PCP4: variants seen among roughly 807,000 people sequenced by gnomAD.
PCP4 encodes the protein calmodulin regulator protein PCP4.
Under a neutral mutation model 10.0 loss-of-function variants are expected in PCP4, and 8 were observed. That is an observed-to-expected ratio of 0.80 (90% CI 0.47 to 1.45). The LOEUF (loss-of-function observed/expected upper bound fraction) is 1.45, where lower values mean the gene tolerates loss of function less well. Among genes scored for constraint, PCP4 ranks in the 40% most tolerant of loss-of-function variants. The pLI is 0.00. For synonymous variants in PCP4, 21 were observed against 23.0 expected (o/e 0.91, Z 0.24); for missense variants, 54 against 74.4 (o/e 0.73, Z 1.01).
At chr21:39,871,052 C>CG (rs1568848207) in intron 1 of PCP4, among the ~76,000 whole-genome samples, 1 of 152,136 alleles carries the variant, frequency 6.6e-6, no homozygotes, top group Non-Finnish European at 1.5e-5. Flanking sequence ...TTAATGTATA[C>CG]GTTAAAACGT....
intron 1 of PCP4, among the ~76,000 whole-genome samples, chr21:39,885,247 C>T (rs990294203): frequency 2.6e-4 from 40 of 152,300 alleles, no homozygotes; most frequent in African/African-American, 9.1e-4. Context: ...ACTGAGCAAG[C>T]GCCACCTGCT....
intron 2 of PCP4, among the ~76,000 whole-genome samples, chr21:39,916,570 C>G (rs1455386207): frequency 6.6e-6 from 1 of 152,186 alleles, no homozygotes; most frequent in Admixed American, 6.5e-5. Flanking sequence ...CCTCAAAGAT[C>G]TAGAAGCAGA....
rs550495541 is a variant in PCP4, at chr21:39,906,270, A to G, written c.61+7743A>G. The stretch of plus-strand genomic sequence containing the variant: ...CCCTCTTGACCAGGGTCTTGTTTGT[A>G]AATGGGCAACTTGGATGGGCTGTGG... On this transcript the variant is annotated intron_variant, in intron 2 of 2. Coordinates refer to ENST00000328619, the MANE Select transcript of PCP4 (RefSeq NM_006198.3). This position sits in a 1 kb window ranked among gnomAD's most constrained non-coding sequence, Gnocchi z 6.3. Among the ~76,000 whole-genome samples the G allele has an allele frequency of 6.6e-6, 1 of 152,304 alleles. No individual in the cohort carries two copies. Among genetic ancestry groups the G allele is most frequent in the South Asian group, 2.1e-4 (1 of 4,832 alleles).
At chr21:39,926,936 C>A (rs2087624583) in intron 2 of PCP4, among the ~76,000 whole-genome samples, 1 of 152,204 alleles carries the variant, frequency 6.6e-6, no homozygotes, top group South Asian at 2.1e-4. Context: ...GAAGCACCCC[C>A]ATCCCCTGCC....
At chr21:39,873,328 C>T (rs752255056) in intron 1 of PCP4, among the ~76,000 whole-genome samples, 5 of 152,110 alleles carry the variant, frequency 3.3e-5, no homozygotes, top group Admixed American at 6.5e-5. Flanking sequence ...ACATCTAGCA[C>T]GCGGAAAGCA....
At chr21:39,904,915 G>C (rs2087499078) in intron 2 of PCP4, among the ~76,000 whole-genome samples, 1 of 152,154 alleles carries the variant, frequency 6.6e-6, no homozygotes, top group African/African-American at 2.4e-5. Context: ...AGACAACTTT[G>C]AGTATCCAGC....
At chr21:39,894,510 GT>G (rs1471717422) in intron 1 of PCP4, among the ~76,000 whole-genome samples, 1 of 152,176 alleles carries the variant, frequency 6.6e-6, no homozygotes, top group Non-Finnish European at 1.5e-5. Flanking sequence ...ATGCATATTT[GT>G]TTAGGGAGAA....
chr21:39,898,282 G>A, intron 1 of PCP4, 194 bp from the exon 2 acceptor site: 1 of 660,262 alleles, frequency 1.5e-6, no homozygotes, highest in East Asian at 2.7e-5. Context: ...GAGGGGGCCG[G>A]TCTGTGCAGC....
chr21:39,870,298 G>A (rs1447659780), intron 1 of PCP4, among the ~76,000 whole-genome samples: 3 of 152,250 alleles, frequency 2.0e-5, no homozygotes, highest in African/African-American at 4.8e-5. Context: ...TTAGGGTAAT[G>A]TGAGAGAGAG....
At chr21:39,912,004 T>A (rs1601185897) in intron 2 of PCP4, among the ~76,000 whole-genome samples, 1 of 152,350 alleles carries the variant, frequency 6.6e-6, no homozygotes, top group South Asian at 2.1e-4. Flanking sequence ...GACTCCCTGT[T>A]GTGTATTTCC....
chr21:39,888,632 C>T (rs373282190), intron 1 of PCP4, among the ~76,000 whole-genome samples: 13 of 152,318 alleles, frequency 8.5e-5, no homozygotes, highest in East Asian at 7.7e-4. Context: ...CCGCTGCCCC[C>T]GATGTCAATC....
At chr21:39,910,204 C>T (rs903033958) in intron 2 of PCP4, among the ~76,000 whole-genome samples, 1 of 152,080 alleles carries the variant, frequency 6.6e-6, no homozygotes, top group African/African-American at 2.4e-5. Flanking sequence ...CTTTAGTGGC[C>T]GGGCACTGAT....
chr21:39,873,146 A>G (rs1321694681), intron 1 of PCP4, among the ~76,000 whole-genome samples: 3 of 152,172 alleles, frequency 2.0e-5, no homozygotes, highest in Admixed American at 2.0e-4. Flanking sequence ...GTAGCCAGAG[A>G]GGCAGAGCCT....
At chr21:39,889,417 T>C (rs1162106942) in intron 1 of PCP4, among the ~76,000 whole-genome samples, 1 of 140,498 alleles carries the variant, frequency 7.1e-6, no homozygotes, top group Non-Finnish European at 1.5e-5. Context: ...AGTTCTTTTT[T>C]TTTTTTTTTT....
At chr21:39,873,037 G>A (rs2087328120) in intron 1 of PCP4, among the ~76,000 whole-genome samples, 1 of 152,196 alleles carries the variant, frequency 6.6e-6, no homozygotes, top group African/African-American at 2.4e-5. Context: ...TGGGAACGGA[G>A]CAAGGGACGT....
chr21:39,916,527 T>G (rs7277775), intron 2 of PCP4, among the ~76,000 whole-genome samples: 140,146 of 152,132 alleles, frequency 0.92, 64,798 homozygotes, highest in African/African-American at 0.98. Context: ...GCTCAACCAT[T>G]ATTCAACCAT....
intron 1 of PCP4, among the ~76,000 whole-genome samples, chr21:39,873,172 A>G (rs2087328786): frequency 2.0e-5 from 3 of 152,166 alleles, no homozygotes. Flanking sequence ...TACCTTGGAA[A>G]GTGGTTTGCT....
At chr21:39,902,656 T>C (rs997426666) in intron 2 of PCP4, among the ~76,000 whole-genome samples, 1 of 152,230 alleles carries the variant, frequency 6.6e-6, no homozygotes. Context: ...TCAAACCCGA[T>C]GTTTCTACTA....
intron 2 of PCP4, chr21:39,916,320 C>T (rs1473692264): frequency 6.6e-6 from 1 of 152,138 alleles, no homozygotes; most frequent in African/African-American, 2.4e-5. Flanking sequence ...CACAAGATTA[C>T]CCCTTTTCTT....
Sources: gnomAD v4.1 joint callset for allele counts (sites outside exome capture counted in the v4.1 genomes callset) on GRCh38, gnomAD v4.1.1 for gene constraint, Gnocchi (gnomAD v3.1) non-coding constraint, MANE v1.5 for transcripts, NCBI Gene and HGNC (gene_info 2026-07-23, HGNC 2026-07-21) for gene names.